Variants in OSBPL10 observed in about 807,000 individuals in gnomAD.
OSBPL10 encodes the protein oxysterol-binding protein-related protein 10.
In OSBPL10, 49 loss-of-function variants were observed where a neutral mutation model predicts 81.7. That is an observed-to-expected ratio of 0.60 (90% confidence interval 0.48 to 0.76). The LOEUF (loss-of-function observed/expected upper bound fraction) is 0.76. Ranked by LOEUF, OSBPL10 falls within the 30% of genes least tolerant of loss-of-function variation. The probability of loss-of-function intolerance (pLI) is 0.00; values close to 1 mark genes in which losing one functional copy is unlikely to be tolerated. For missense variants in OSBPL10, 923 were observed against 987.8 expected (o/e 0.93, Z 0.88); for synonymous variants, 419 against 383.6 (o/e 1.09, Z -1.08).
At chr3:31,927,704 A>C (rs535840443) in intron 1 of OSBPL10, among the ~76,000 whole-genome samples, 6 of 152,206 alleles carry the variant, frequency 3.9e-5, no homozygotes, top group Non-Finnish European at 8.8e-5. Context: ...TGTTGCAATC[A>C]GTATATCTAC....
At chr3:31,671,222 T>C (rs113596867) in intron 8 of OSBPL10, among the ~76,000 whole-genome samples, 14 of 152,276 alleles carry the variant, frequency 9.2e-5, no homozygotes, top group African/African-American at 3.4e-4. Flanking sequence ...AAGGTGGTCA[T>C]TAGTCACCAA....
At chr3:31,903,995 C>T (rs1403360051) in intron 1 of OSBPL10, among the ~76,000 whole-genome samples, 1 of 152,080 alleles carries the variant, frequency 6.6e-6, no homozygotes, top group East Asian at 1.9e-4. Context: ...GCAGCTAAAA[C>T]CTAGGAGAGG....
intron 2 of OSBPL10, among the ~76,000 whole-genome samples, chr3:32,026,097 G>GATAGATA (rs1699409794): frequency 5.2e-5 from 1 of 19,314 alleles, no homozygotes; most frequent in African/African-American, 6.8e-5. Flanking sequence ...ATAGATGATA[G>GATAGATA]ATAGATAGAG....
chr3:32,051,463 T>C (rs777877186), intron 1 of OSBPL10, among the ~76,000 whole-genome samples: 6 of 152,214 alleles, frequency 3.9e-5, no homozygotes, highest in Non-Finnish European at 5.9e-5. Flanking sequence ...AGCTCTTTGA[T>C]GTTTGGATTA....
intron 4 of OSBPL10, among the ~76,000 whole-genome samples, chr3:31,764,693 C>A (rs1333728899): frequency 1.3e-5 from 2 of 152,130 alleles, no homozygotes; most frequent in Non-Finnish European, 2.9e-5. Context: ...CAGGCTTAAC[C>A]ATCATTTCTC....
intron 7 of OSBPL10, among the ~76,000 whole-genome samples, chr3:31,685,524 C>T (rs1700769458): frequency 6.6e-6 from 1 of 152,206 alleles, no homozygotes; most frequent in African/African-American, 2.4e-5. Context: ...AGCCTTAACC[C>T]AGAGCATCTC....
intron 11 of OSBPL10, 137 bp downstream of exon 11, chr3:31,663,942 G>T: frequency 6.3e-7 from 1 of 1,586,476 alleles, no homozygotes; most frequent in South Asian, 1.2e-5. Flanking sequence ...GCTGGAGTCA[G>T]AACCGAGCTG....
At chr3:32,054,010 T>C (rs920206129) in intron 1 of OSBPL10, among the ~76,000 whole-genome samples, 1 of 152,164 alleles carries the variant, frequency 6.6e-6, no homozygotes, top group Non-Finnish European at 1.5e-5. Context: ...TGGGTTTTGT[T>C]TGACTTTTGA....
intron 4 of OSBPL10, among the ~76,000 whole-genome samples, chr3:31,757,368 G>T (rs1697918232): frequency 6.6e-6 from 1 of 152,120 alleles, no homozygotes; most frequent in Non-Finnish European, 1.5e-5. Flanking sequence ...GGGAGGCTGA[G>T]GCAGAAAGAT....
chr3:32,070,191 C>T (rs1004911181), intron 1 of OSBPL10, among the ~76,000 whole-genome samples: 1 of 152,166 alleles, frequency 6.6e-6, no homozygotes, highest in African/African-American at 2.4e-5. Flanking sequence ...GGGCTACCCA[C>T]TCCACATTAC....
chr3:31,933,239 A>G (rs1359564391), intron 1 of OSBPL10, among the ~76,000 whole-genome samples: 1 of 152,166 alleles, frequency 6.6e-6, no homozygotes, highest in Non-Finnish European at 1.5e-5. Context: ...CAGTCCTGCC[A>G]TCCTTTTGGC....
At position 31,678,782 on chromosome 3, in the gene OSBPL10, CTGTGTGTGTGTGTGTGTG is replaced by C. The variant is rs67616509; in HGVS notation, c.1726+4834_1726+4851del. Among the ~76,000 whole-genome samples the C allele has an allele frequency of 7.9e-3, 1,071 of 135,640 alleles. 6 individuals carry two copies. The highest frequency in any genetic ancestry group is 9.6e-3 in the Non-Finnish European group (610 of 63,328). The allele number at this position is 135,640 out of a possible 152,430, so 89.0% of individuals were successfully genotyped here. ...TACTCTGACTAATCACAGATTCAAA[CTGTGTGTGTGTGTGTGTG>C]TGTGTGTGTGTGTGTGTGTGTGTGT... On this transcript the variant is annotated intron_variant, in intron 8 of 11. Coordinates refer to ENST00000396556, the MANE Select transcript of OSBPL10 (RefSeq NM_017784.5).
intron 3 of OSBPL10, among the ~76,000 whole-genome samples, chr3:31,865,228 A>C (rs1164396035): frequency 6.6e-6 from 1 of 152,206 alleles, no homozygotes; most frequent in African/African-American, 2.4e-5. Flanking sequence ...GCTCTATCCA[A>C]CAGAACTTTC....
rs528678778 is a variant in OSBPL10 at position 31,841,135 on chromosome 3, C to T, written c.538-10904G>A. On this transcript the variant is annotated intron_variant, in intron 3 of 11. Transcript: ENST00000396556. ...GTTGGTCAGGCTGGTCTCAAACTCC[C>T]GACCTCGGGTGATCCACCGCCTCGG... Among the ~76,000 whole-genome samples, 24 of 152,260 alleles carry T rather than the reference C, an allele frequency of 1.6e-4. No individual in the cohort carries two copies. The South Asian group carries it at 3.9e-3, about 25-fold the overall frequency.
At chr3:32,040,794 G>A (rs1252212589) in intron 2 of OSBPL10, among the ~76,000 whole-genome samples, 2 of 151,576 alleles carry the variant, frequency 1.3e-5, no homozygotes, top group Non-Finnish European at 2.9e-5. Context: ...CTATAATGGT[G>A]CCACTGCACT....
At chr3:31,745,342 ACTTACT>A (rs1697487792) in intron 5 of OSBPL10, among the ~76,000 whole-genome samples, 1 of 152,236 alleles carries the variant, frequency 6.6e-6, no homozygotes, top group Admixed American at 6.5e-5. Flanking sequence ...CATGTCTGCA[ACTTACT>A]CTTAAGTGGT....
chr3:31,694,207 C>T (rs192506058), intron 7 of OSBPL10, among the ~76,000 whole-genome samples: 22 of 152,082 alleles, frequency 1.4e-4, no homozygotes, highest in African/African-American at 4.6e-4. Context: ...CTCATCTCTA[C>T]TAAAAATACA....
intron 6 of OSBPL10, among the ~76,000 whole-genome samples, chr3:31,723,938 A>C (rs550494661): frequency 6.6e-6 from 1 of 152,208 alleles, no homozygotes; most frequent in Non-Finnish European, 1.5e-5. Context: ...AAGCTCATTT[A>C]TACTGGTATA....
intron 4 of OSBPL10, chr3:31,797,986 T>G: frequency 3.2e-6 from 1 of 310,824 alleles, no homozygotes; most frequent in Non-Finnish European, 6.5e-6. Flanking sequence ...CGTTCCAAAC[T>G]CTGGGTCCGG....
Sources: allele counts gnomAD v4.1 joint callset (sites outside exome capture counted in the v4.1 genomes callset), GRCh38; gene constraint gnomAD v4.1.1; transcripts MANE v1.5; gene names NCBI Gene and HGNC (gene_info 2026-07-23, HGNC 2026-07-21).